The following BCL9 variants were observed in gnomAD, a reference collection of about 807,000 sequenced individuals.
The protein encoded by BCL9 is BCL9 transcription coactivator.
Under a neutral mutation model 88.5 loss-of-function variants are expected in BCL9, and 25 were observed. The observed-to-expected ratio is 0.28, with a 90% CI of 0.21 to 0.39. The LOEUF (loss-of-function observed/expected upper bound fraction) is 0.39, where lower values mean the gene tolerates loss of function less well. BCL9 is among the 10% of genes least tolerant of loss of function. BCL9 has a pLI of 1.00. For synonymous variants in BCL9, 711 were observed against 673.3 expected (o/e 1.06, Z -0.87); for missense variants, 1,817 against 1,877.8 (o/e 0.97, Z 0.60).
In BCL9 at chr1:147,618,862, A is replaced by C; in HGVS notation, c.707A>C (p.Gln236Pro). 1 of 1,596,206 alleles carries C rather than the reference A, an allele frequency of 6.3e-7. No homozygotes were observed. Among genetic ancestry groups the C allele is most frequent in the Non-Finnish European group, 8.5e-7 (1 of 1,172,126 alleles). ...CGGAATGATCCGAAACCTCTCCCACAACAGCCCCCAGCTCCGGCCAACCAG... is the reference window on the plus strand; with the variant it reads ...CGGAATGATCCGAAACCTCTCCCACCACAGCCCCCAGCTCCGGCCAACCAG... ...ALRNDPKPLP[Q>P]QPPAPANQDQ... is the part of the protein sequence containing the mutation. Residue 236 changes from glutamine (Q) to proline (P), a missense_variant, in exon 8 of 10, where the codon CAA becomes CCA. By Grantham distance (76) the Gln-to-Pro change is moderately conservative. Transcript: ENST00000234739.
At chr1:147,542,229 A>G (rs1279884093) in intron 1 of BCL9, among the ~76,000 whole-genome samples, 3 of 151,998 alleles carry the variant, frequency 2.0e-5, no homozygotes, top group Admixed American at 1.3e-4. Flanking sequence ...CCCGATCCTT[A>G]CCACCCCAGC....
chr1:147,615,977 A>C, intron 7 of BCL9, 75 bp downstream of exon 7: 1 of 1,394,284 alleles, frequency 7.2e-7, no homozygotes, highest in Non-Finnish European at 1.0e-6. Flanking sequence ...TGGTGAATTT[A>C]ATTGATAGGA....
intron 7 of BCL9, among the ~76,000 whole-genome samples, chr1:147,618,578 A>G (rs188387768): frequency 6.6e-6 from 1 of 152,190 alleles, no homozygotes; most frequent in African/African-American, 2.4e-5. Flanking sequence ...CATACTTTTA[A>G]AGTTATTGAA....
intron 1 of BCL9, among the ~76,000 whole-genome samples, chr1:147,546,879 A>G (rs1654627477): frequency 6.6e-6 from 1 of 152,220 alleles, no homozygotes; most frequent in South Asian, 2.1e-4. Context: ...CCAAAGAACC[A>G]TTTCTGAAAG....
rs781925911 is a variant in BCL9 at position 147,624,115 on chromosome 1, C to G, written c.3437C>G (p.Ser1146Cys). The G allele has an allele frequency of 1.9e-6, 3 of 1,600,368 alleles. No homozygotes were observed. The South Asian group carries it at 3.4e-5, about 18-fold the overall frequency. ...GFPQGFPPVQ[S>C]PPQQVPFPHN... The stretch of plus-strand genomic sequence containing the variant: ...CCCCAGGGCTTCCCTCCAGTACAGT[C>G]TCCCCCACAGCAGGTTCCATTCCCT... The change falls in exon 10 of 10, where the codon TCT becomes TGT. Residue 1146 changes from serine to cysteine, a missense_variant. Physicochemically the swap from Ser to Cys is moderately radical, Grantham distance 112. Transcript: ENST00000234739. This position sits in a 1 kb window ranked among gnomAD's most constrained non-coding sequence, Gnocchi z 4.4.
Position 147,619,008 on chromosome 1 carries a change from C to T in BCL9, c.853C>T (p.Leu285=), listed in dbSNP as rs782353655. The part of the protein sequence containing the change: ...DRESPGVENK[L]IPSVGSPASS... ...GGAGAGTCCTGGGGTAGAAAACAAA[C>T]TGATTCCTTCTGTAGGAAGTCCTGC... is the stretch of plus-strand genomic sequence containing the variant. Residue 285 remains leucine (L), a synonymous_variant, in exon 8 of 10, where the codon CTG becomes TTG. Coordinates refer to ENST00000234739, the MANE Select transcript of BCL9 (RefSeq NM_004326.4). The surrounding 1 kb of genome is among the most constrained non-coding windows in gnomAD (Gnocchi z 4.1). The T allele has an allele frequency of 6.2e-6, 10 of 1,610,022 alleles. No homozygotes were observed. The highest frequency in any genetic ancestry group is 7.6e-6 in the Non-Finnish European group (9 of 1,177,858).
rs142896633 is a variant in BCL9 at position 147,617,606 on chromosome 1, A to G, written c.661-1210A>G. Among the ~76,000 whole-genome samples, 686 of 152,346 alleles carry G rather than the reference A, an allele frequency of 4.5e-3. 6 individuals carry two copies. Among genetic ancestry groups the G allele is most frequent in the African/African-American group, 0.016 (651 of 41,570 alleles). On this transcript the variant is annotated intron_variant, in intron 7 of 9. Coordinates refer to ENST00000234739, the MANE Select transcript of BCL9 (RefSeq NM_004326.4). ...ACATTTATATATATATTCACAGAAT[A>G]TAAGTGCTCAAAGATATGTTTTCAT... is the stretch of plus-strand genomic sequence containing the variant.
chr1:147,614,363 T>C, intron 5 of BCL9, 64 bp from the exon 6 acceptor site: 1 of 1,518,806 alleles, frequency 6.6e-7, no homozygotes, highest in Non-Finnish European at 9.1e-7. Context: ...GTTGTGATGC[T>C]ATATATGCTG....
At chr1:147,556,560 C>T (rs1436157299) in intron 1 of BCL9, among the ~76,000 whole-genome samples, 1 of 152,052 alleles carries the variant, frequency 6.6e-6, no homozygotes, top group Non-Finnish European at 1.5e-5. Context: ...AAACAGTTCT[C>T]CCACCTCAGC....
chr1:147,560,580 C>A (rs1553195987), intron 1 of BCL9, among the ~76,000 whole-genome samples: 1 of 139,760 alleles, frequency 7.2e-6, no homozygotes, highest in Non-Finnish European at 1.5e-5. Flanking sequence ...ACACTCCAGC[C>A]TGGGGGACAA....
At chr1:147,542,295 C>A (rs1654368426) in intron 1 of BCL9, among the ~76,000 whole-genome samples, 1 of 152,224 alleles carries the variant, frequency 6.6e-6, no homozygotes. Context: ...CAAGAGAACT[C>A]TGCCACAAGA....
rs183599684 is a variant in BCL9, at chr1:147,591,340, T to C, written c.-477-13437T>C. 1.2e-4 allele frequency among the ~76,000 whole-genome samples: 19 copies of C among 152,314 alleles called. 3 individuals are homozygous for C. Among genetic ancestry groups the C allele is most frequent in the Admixed American group, 1.1e-3 (17 of 15,306 alleles). On this transcript the variant is annotated intron_variant, in intron 1 of 9. Transcript: ENST00000234739. ...TTCCCCACTGATCCCAACACATACA[T>C]TGAAGAGAGGCTATAATGTGGAAAG...
chr1:147,588,057 A>C (rs2101564885), intron 1 of BCL9, among the ~76,000 whole-genome samples: 1 of 152,284 alleles, frequency 6.6e-6, no homozygotes, highest in South Asian at 2.1e-4. Context: ...CAGGTCTTAT[A>C]ATTATTGTAA....
intron 1 of BCL9, among the ~76,000 whole-genome samples, chr1:147,558,981 C>A (rs587596716): frequency 3.3e-4 from 50 of 152,316 alleles, no homozygotes; most frequent in Middle Eastern, 3.4e-3. Context: ...AGCCTTTTCT[C>A]CTCCTCCTTT....
intron 1 of BCL9, among the ~76,000 whole-genome samples, chr1:147,590,948 A>G (rs11240091): frequency 0.031 from 4,744 of 152,302 alleles, 236 homozygotes; most frequent in African/African-American, 0.11. Flanking sequence ...TTTGAAAAAT[A>G]CCATGCAAAT....
intron 1 of BCL9, among the ~76,000 whole-genome samples, chr1:147,580,488 T>C (rs778641140): frequency 4.3e-4 from 66 of 152,178 alleles, no homozygotes; most frequent in Non-Finnish European, 8.5e-4. Context: ...TATAGGAATA[T>C]GTTTATCCCT....
intron 1 of BCL9, among the ~76,000 whole-genome samples, chr1:147,551,147 T>C (rs944766916): frequency 6.6e-5 from 10 of 152,216 alleles, no homozygotes; most frequent in African/African-American, 2.4e-4. Context: ...TTCCAGGCAT[T>C]GTCTCATTCA....
In BCL9 at chr1:147,620,088, C is replaced by G; in HGVS notation, c.1933C>G (p.Pro645Ala). Residue 645 changes from proline to alanine, a missense_variant, in exon 8 of 10, where the codon CCA becomes GCA. Transcript: ENST00000234739. ...GGCAGAGAAACAGCTGGGTCTCCCC[C>G]CAGGGATGGCCATGGAAGGCATCAG... ...QLAEKQLGLP[P>A]GMAMEGIRPS... 2.5e-6 allele frequency: 4 copies of G among 1,614,194 alleles called. No homozygotes were observed. Among genetic ancestry groups the G allele is most frequent in the African/African-American group, 1.3e-5 (1 of 75,040 alleles).
chr1:147,587,766 GT>G (rs1656681088), intron 1 of BCL9, among the ~76,000 whole-genome samples: 1 of 122,966 alleles, frequency 8.1e-6, no homozygotes, highest in African/African-American at 5.7e-5. Context: ...CTGTGTGTGT[GT>G]GTGTGTGTGT....
Sources: gnomAD v4.1 joint callset for allele counts (sites outside exome capture counted in the v4.1 genomes callset) on GRCh38, gnomAD v4.1.1 for gene constraint, Gnocchi (gnomAD v3.1) non-coding constraint, MANE v1.5 for transcripts, NCBI Gene and HGNC (gene_info 2026-07-23, HGNC 2026-07-21) for gene names.